MFSD2A: variants seen among roughly 807,000 people sequenced by gnomAD.
MFSD2A encodes the protein sodium-dependent lysophosphatidylcholine symporter 1.
Under a neutral mutation model 64.7 loss-of-function variants are expected in MFSD2A, and 27 were observed. The observed-to-expected ratio is 0.42, with a 90% CI of 0.31 to 0.58. MFSD2A has a LOEUF of 0.58. MFSD2A is among the 20% of genes least tolerant of loss of function. MFSD2A has a pLI of 0.18. For synonymous variants in MFSD2A, 258 were observed against 273.4 expected (o/e 0.94, Z 0.55); for missense variants, 474 against 679.5 (o/e 0.70, Z 3.36).
rs1051632413 is a variant in MFSD2A at position 39,962,993 on chromosome 1, C to T, written c.354-2218C>T. ...TTAAGTGCTCCAAGGAGGTGGCCAC[C>T]GCCATCCGTGGGGCCATCATCCTGG... On this transcript the variant is annotated intron_variant, in intron 3 of 13. Transcript: ENST00000372811. 16 of 1,515,078 alleles carry T rather than the reference C, an allele frequency of 1.1e-5. 1 individual carries two copies. The highest frequency in any genetic ancestry group is 2.3e-5 in the South Asian group (2 of 87,978). 93.9% of individuals were successfully genotyped at this position (1,515,078 alleles called of 1,614,324 possible). A position where few individuals can be genotyped will look rare whatever the true frequency, so the allele number is the denominator to read the frequency against.
rs115573882 is a variant in MFSD2A at position 39,965,013 on chromosome 1, G to A, written c.354-198G>A. 786 of 663,394 alleles carry A rather than the reference G, an allele frequency of 1.2e-3. 2 individuals are homozygous for A. The African/African-American group carries it at 0.013, about 11-fold the overall frequency. 41.1% of individuals were successfully genotyped at this position (663,394 alleles called of 1,614,324 possible). On this transcript the variant is annotated intron_variant, in intron 3 of 13. Coordinates refer to ENST00000372811, the MANE Select transcript of MFSD2A (RefSeq NM_032793.5). This position sits in a 1 kb window ranked among gnomAD's most constrained non-coding sequence, Gnocchi z 5.5. ...CCTAGGATTTCAGTCTGGGGTCCCA[G>A]TTCCCATCTGCCATTCCGGGCTTGG... is the stretch of plus-strand genomic sequence containing the variant.
Position 39,964,692 on chromosome 1 carries a change from A to G in MFSD2A, c.354-519A>G. On this transcript the variant is annotated intron_variant, in intron 3 of 13. Transcript: ENST00000372811. The surrounding 1 kb of genome is among the most constrained non-coding windows in gnomAD (Gnocchi z 4.1). ...TGGGGTGTGTGAAGTGTGTATGTGA[A>G]TGGGGGTGTGTGTGAATGGGGTGTG... The G allele has an allele frequency of 6.6e-6, 1 of 150,814 alleles. No individual in the cohort carries two copies. Among genetic ancestry groups the G allele is most frequent in the Non-Finnish European group, 1.4e-5 (1 of 69,446 alleles). The allele number at this position is 150,814 out of a possible 1,614,324, so 9.3% of individuals were successfully genotyped here. A position where few individuals can be genotyped will look rare whatever the true frequency, so the allele number is the denominator to read the frequency against.
chr1:39,966,588 C>T lies in MFSD2A; in HGVS notation c.715-13C>T. On this transcript the variant is annotated splice_polypyrimidine_tract_variant and intron_variant, in intron 6 of 13. Coordinates refer to ENST00000372811, the MANE Select transcript of MFSD2A (RefSeq NM_032793.5). ...ACTGACCATCCTTGTATGTCGCCTT[C>T]ACCTCCTTATAGCAAAAGGCATACC... 1 of 1,603,876 alleles carries T rather than the reference C, an allele frequency of 6.2e-7. No individual in the cohort carries two copies. Among genetic ancestry groups the T allele is most frequent in the Non-Finnish European group, 8.5e-7 (1 of 1,173,816 alleles).
intron 11 of MFSD2A, 64 bp downstream of exon 11, chr1:39,967,980 C>T: frequency 9.6e-7 from 1 of 1,044,700 alleles, no homozygotes; most frequent in South Asian, 1.5e-5. Flanking sequence ...TTTGAAGCTC[C>T]TTAGGGAGAG....
Position 39,958,868 on chromosome 1 carries a change from T to A in MFSD2A, c.353+43T>A. 1 of 1,538,342 alleles carries A rather than the reference T, an allele frequency of 6.5e-7. No homozygotes were observed. Among genetic ancestry groups the A allele is most frequent in the African/African-American group, 1.4e-5 (1 of 72,606 alleles). On this transcript the variant is annotated intron_variant, in intron 3 of 13. Transcript: ENST00000372811. The surrounding 1 kb of genome is among the most constrained non-coding windows in gnomAD (Gnocchi z 4.7). ...CTTCGAGGTGGCACAAGGCAGGACT[T>A]CCAGCATATCTGCTCCTTGGTCCTT... is the stretch of plus-strand genomic sequence containing the variant.
At position 39,960,281 on chromosome 1, in the gene MFSD2A, G is replaced by A. The variant is rs925891149; in HGVS notation, c.353+1456G>A. ...CCAGCCCATCCAGGCTTAAGTGGGC[G>A]CCTTCCTGCCCCAGGGGCGCCCATA... On this transcript the variant is annotated intron_variant, in intron 3 of 13. Transcript: ENST00000372811. The surrounding 1 kb of genome is among the most constrained non-coding windows in gnomAD (Gnocchi z 4.8). Among the ~76,000 whole-genome samples, 3 of 152,206 alleles carry A rather than the reference G, an allele frequency of 2.0e-5. No individual in the cohort carries two copies. The highest frequency in any genetic ancestry group is 2.4e-5 in the African/African-American group (1 of 41,456).
Position 39,969,604 on chromosome 1 carries a change from G to A in MFSD2A, c.*36G>A, listed in dbSNP as rs779231099. 3.8e-6 allele frequency: 6 copies of A among 1,593,902 alleles called. No individual in the cohort carries two copies. In the Admixed American group the frequency reaches 5.1e-5, roughly 14 times the overall value. ...GTTGCCCGAAGCCACCATGCAGAAG[G>A]CCACAGAAGGGATCAGGACCTGTCT... is the stretch of plus-strand genomic sequence containing the variant. On this transcript the variant is annotated 3_prime_UTR_variant, in exon 14 of 14. Transcript: ENST00000372811.
Position 39,962,132 on chromosome 1 carries a change from T to A in MFSD2A, c.354-3079T>A, listed in dbSNP as rs115122705. 2.7e-3 allele frequency among the ~76,000 whole-genome samples: 410 copies of A among 152,340 alleles called. 1 individual carries two copies. The highest frequency in any genetic ancestry group is 8.8e-3 in the African/African-American group (366 of 41,570). On this transcript the variant is annotated intron_variant, in intron 3 of 13. Coordinates refer to ENST00000372811, the MANE Select transcript of MFSD2A (RefSeq NM_032793.5). ...GCACCTCCAGTGGCCTTTCAGAAGT[T>A]CCATTTCCACTCCCGCCTCATCTCC...
rs1645085040 is a variant in MFSD2A at position 39,963,274 on chromosome 1, C to T, written c.354-1937C>T. The stretch of plus-strand genomic sequence containing the variant: ...AGCTTTGCCAAGGGCACCTTTGATG[C>T]CATCTCTAAGACCTACAGCTACCTG... On this transcript the variant is annotated intron_variant, in intron 3 of 13. Transcript: ENST00000372811. This position sits in a 1 kb window ranked among gnomAD's most constrained non-coding sequence, Gnocchi z 4.2. 15 of 1,420,946 alleles carry T rather than the reference C, an allele frequency of 1.1e-5. No individual in the cohort carries two copies. In the Admixed American group the frequency reaches 1.5e-4, roughly 14 times the overall value. 88.0% of individuals were successfully genotyped at this position (1,420,946 alleles called of 1,614,324 possible).
At position 39,968,161 on chromosome 1, in the gene MFSD2A, G is replaced by A. The variant is rs746168100; in HGVS notation, c.1209-173G>A. 259 of 782,558 alleles carry A rather than the reference G, an allele frequency of 3.3e-4. No individual in the cohort carries two copies. The highest frequency in any genetic ancestry group is 4.7e-4 in the Non-Finnish European group (237 of 499,634). The allele number at this position is 782,558 out of a possible 1,614,324, so 48.5% of individuals were successfully genotyped here. A position where few individuals can be genotyped will look rare whatever the true frequency, so the allele number is the denominator to read the frequency against. On this transcript the variant is annotated intron_variant, in intron 11 of 13. Transcript: ENST00000372811. The surrounding 1 kb of genome is among the most constrained non-coding windows in gnomAD (Gnocchi z 4.4). ...CACTTGCCACGCTGAGCACCTCCAG[G>A]CAGGGTTACTTCCTCTTAGAGCAAG...
At position 39,964,006 on chromosome 1, in the gene MFSD2A, G is replaced by T. The variant is rs866029756; in HGVS notation, c.354-1205G>T. On this transcript the variant is annotated intron_variant, in intron 3 of 13. Coordinates refer to ENST00000372811, the MANE Select transcript of MFSD2A (RefSeq NM_032793.5). The surrounding 1 kb of genome is among the most constrained non-coding windows in gnomAD (Gnocchi z 4.1). The stretch of plus-strand genomic sequence containing the variant: ...TTGACTCAGTCTCCCAAAGTGCTGG[G>T]ATTACAGGCATGAGCCACTGCGCCT... Among the ~76,000 whole-genome samples, 1 of 152,200 alleles carries T rather than the reference G, an allele frequency of 6.6e-6. No individual in the cohort carries two copies. Among genetic ancestry groups the T allele is most frequent in the South Asian group, 2.1e-4 (1 of 4,834 alleles).
In MFSD2A at chr1:39,964,856, G is replaced by T; in HGVS notation, c.354-355G>T. On this transcript the variant is annotated intron_variant, in intron 3 of 13. Transcript: ENST00000372811. The surrounding 1 kb of genome is among the most constrained non-coding windows in gnomAD (Gnocchi z 4.1). Reference sequence around the variant, plus strand: ...TTGATGACTATCCGTGTGAGAACACGGGAGTTGGGGCTGCTCCTTCTCTTT... The same window carrying T: ...TTGATGACTATCCGTGTGAGAACACTGGAGTTGGGGCTGCTCCTTCTCTTT... 3.3e-6 allele frequency: 1 copy of T among 304,642 alleles called. No homozygotes were observed. The highest frequency in any genetic ancestry group is 2.1e-5 in the African/African-American group (1 of 46,524). 18.9% of individuals were successfully genotyped at this position (304,642 alleles called of 1,614,324 possible). A position where few individuals can be genotyped will look rare whatever the true frequency, so the allele number is the denominator to read the frequency against.
At chr1:39,967,045 T>C in intron 8 of MFSD2A, 41 bp from the exon 9 acceptor site, 1 of 1,612,316 alleles carries the variant, frequency 6.2e-7, no homozygotes, top group Non-Finnish European at 8.5e-7. Flanking sequence ...CAACATCACC[T>C]CCTTCCTTGC....
chr1:39,956,020 G>A (rs1644921108), intron 1 of MFSD2A, among the ~76,000 whole-genome samples: 1 of 152,166 alleles, frequency 6.6e-6, no homozygotes, highest in Admixed American at 6.5e-5. Context: ...TACCTTCGTG[G>A]GAGGTGACTG....
chr1:39,961,103 C>G (rs1645030511), intron 3 of MFSD2A, among the ~76,000 whole-genome samples: 2 of 152,030 alleles, frequency 1.3e-5, no homozygotes, highest in African/African-American at 4.8e-5. Flanking sequence ...GCATGAACAT[C>G]ACCATGCCTG....
rs1459028017 is a variant in MFSD2A at position 39,968,485 on chromosome 1, G to A, written c.1352+8G>A. 6.2e-7 allele frequency: 1 copy of A among 1,614,182 alleles called. No individual in the cohort carries two copies. The highest frequency in any genetic ancestry group is 1.1e-5 in the South Asian group (1 of 91,082). ...TTCTACCCTCAGTCTGGAGTGAGTG[G>A]GGTGGGGACCTGGGGCAGGACTGGG... On this transcript the variant is annotated splice_region_variant and intron_variant, in intron 12 of 13. Coordinates refer to ENST00000372811, the MANE Select transcript of MFSD2A (RefSeq NM_032793.5). This position sits in a 1 kb window ranked among gnomAD's most constrained non-coding sequence, Gnocchi z 4.4.
Position 39,964,054 on chromosome 1 carries a change from C to T in MFSD2A, c.354-1157C>T, listed in dbSNP as rs543832916. Among the ~76,000 whole-genome samples, 3 of 152,296 alleles carry T rather than the reference C, an allele frequency of 2.0e-5. No individual in the cohort carries two copies. The South Asian group carries it at 6.2e-4, about 32-fold the overall frequency. ...CCTAGCCTAAGTACATTCACTTTGT[C>T]GCCACCATCACCACCATCCATCCAT... On this transcript the variant is annotated intron_variant, in intron 3 of 13. Transcript: ENST00000372811. This position sits in a 1 kb window ranked among gnomAD's most constrained non-coding sequence, Gnocchi z 4.1.
At position 39,964,992 on chromosome 1, in the gene MFSD2A, G is replaced by C. The variant is rs1187722282; in HGVS notation, c.354-219G>C. On this transcript the variant is annotated intron_variant, in intron 3 of 13. Transcript: ENST00000372811. This position sits in a 1 kb window ranked among gnomAD's most constrained non-coding sequence, Gnocchi z 4.1. ...GCTCTGACCTCACACTCCATGCCTA[G>C]GATTTCAGTCTGGGGTCCCAGTTCC... The C allele has an allele frequency of 1.5e-5, 9 of 605,264 alleles. No individual in the cohort carries two copies. Among genetic ancestry groups the C allele is most frequent in the Middle Eastern group, 4.5e-4 (1 of 2,210 alleles). 37.5% of individuals were successfully genotyped at this position (605,264 alleles called of 1,614,324 possible). A position where few individuals can be genotyped will look rare whatever the true frequency, so the allele number is the denominator to read the frequency against.
intron 3 of MFSD2A, chr1:39,962,538 A>G (rs916477240): frequency 2.6e-5 from 15 of 588,076 alleles, no homozygotes; most frequent in Non-Finnish European, 4.2e-5. Context: ...TTCTCCGAGA[A>G]AACACCAAAT....
Sources: allele counts gnomAD v4.1 joint callset (sites outside exome capture counted in the v4.1 genomes callset), GRCh38; gene constraint gnomAD v4.1.1; non-coding constraint Gnocchi (gnomAD v3.1); transcripts MANE v1.5; gene names NCBI Gene and HGNC (gene_info 2026-07-23, HGNC 2026-07-21).